Variants in KLHL29 observed in about 807,000 individuals in gnomAD.
KLHL29 encodes the protein kelch-like protein 29.
Under a neutral mutation model 80.4 loss-of-function variants are expected in KLHL29, and 21 were observed. The observed-to-expected ratio is 0.26, with a 90% CI of 0.19 to 0.38. The LOEUF is 0.38. KLHL29 is among the 10% of genes least tolerant of loss of function. KLHL29 has a pLI of 1.00. For synonymous variants in KLHL29, 511 were observed against 526.8 expected (o/e 0.97, Z 0.41); for missense variants, 867 against 1,223.9 (o/e 0.71, Z 4.35).
chr2:23,401,441 G>A (rs1279553467), intron 1 of KLHL29, among the ~76,000 whole-genome samples: 1 of 152,210 alleles, frequency 6.6e-6, no homozygotes, highest in Non-Finnish European at 1.5e-5. Flanking sequence ...ATGCACCTGT[G>A]ATTTCTAAAG....
At chr2:23,671,204 T>C (rs1023412600) in intron 5 of KLHL29, among the ~76,000 whole-genome samples, 13 of 151,824 alleles carry the variant, frequency 8.6e-5, no homozygotes, top group African/African-American at 2.9e-4. Flanking sequence ...TAAAACTATT[T>C]ATTTATTTGC....
At chr2:23,674,526 C>A (rs1670870546) in intron 5 of KLHL29, among the ~76,000 whole-genome samples, 1 of 152,166 alleles carries the variant, frequency 6.6e-6, no homozygotes, top group Non-Finnish European at 1.5e-5. Context: ...AACTATCTAT[C>A]CTGGCTTCTT....
intron 2 of KLHL29, among the ~76,000 whole-genome samples, chr2:23,534,871 C>T (rs528800714): frequency 4.0e-4 from 61 of 152,294 alleles, no homozygotes; most frequent in Non-Finnish European, 7.5e-4. Context: ...AGCCTAGAAC[C>T]CCCTGCAGGC....
rs142269064 is a variant in KLHL29 at position 23,407,203 on chromosome 2, A to G, written c.-154+21423A>G. ...ACGTTGCAATGAAATACTGATGAACAAATCTGTGGACATTTTGGGTTACTT... is the reference window on the plus strand; with the variant it reads ...ACGTTGCAATGAAATACTGATGAACGAATCTGTGGACATTTTGGGTTACTT... On this transcript the variant is annotated intron_variant, in intron 1 of 13. Coordinates refer to ENST00000486442, the MANE Select transcript of KLHL29 (RefSeq NM_052920.2). Among the ~76,000 whole-genome samples, 17 of 152,350 alleles carry G rather than the reference A, an allele frequency of 1.1e-4. No homozygotes were observed. In the East Asian group the frequency reaches 1.9e-3, roughly 17 times the overall value.
At chr2:23,662,883 G>C (rs1358267882) in intron 5 of KLHL29, among the ~76,000 whole-genome samples, 3 of 152,216 alleles carry the variant, frequency 2.0e-5, no homozygotes, top group African/African-American at 7.2e-5. Context: ...TGGGTTGAAA[G>C]CCGTAAATGC....
intron 2 of KLHL29, among the ~76,000 whole-genome samples, chr2:23,486,375 C>T (rs1019694228): frequency 2.6e-5 from 4 of 151,792 alleles, no homozygotes; most frequent in Admixed American, 2.6e-4. Context: ...CCCACGATTG[C>T]CACTGACAGG....
intron 2 of KLHL29, among the ~76,000 whole-genome samples, chr2:23,504,555 G>T (rs1393738727): frequency 6.6e-6 from 1 of 152,240 alleles, no homozygotes; most frequent in Non-Finnish European, 1.5e-5. Flanking sequence ...TAGGGAGGCT[G>T]GAGGGAGGGG....
chr2:23,642,170 A>T (rs1489793493), intron 4 of KLHL29, among the ~76,000 whole-genome samples, 168 bp from the exon 5 acceptor site: 2 of 152,042 alleles, frequency 1.3e-5, no homozygotes, highest in African/African-American at 4.8e-5. Flanking sequence ...ACCCCCTAGC[A>T]CACTTATCCT....
At chr2:23,390,901 G>T (rs188107074) in intron 1 of KLHL29, among the ~76,000 whole-genome samples, 2 of 152,206 alleles carry the variant, frequency 1.3e-5, no homozygotes, top group African/African-American at 4.8e-5. Context: ...TGATCCACCC[G>T]CCTCAGCTTC....
At chr2:23,459,655 C>G (rs1047853338) in intron 1 of KLHL29, among the ~76,000 whole-genome samples, 1 of 152,226 alleles carries the variant, frequency 6.6e-6, no homozygotes, top group Non-Finnish European at 1.5e-5. Context: ...AGACTGGCCA[C>G]GGATGCCCAG....
Position 23,670,917 on chromosome 2 carries a change from G to GCGCGCGCACTCTCTCTCTCTCTCT in KLHL29, c.941-13481_941-13480insGCGCGCACTCTCTCTCTCTCTCTC, listed in dbSNP as rs150131401. Among the ~76,000 whole-genome samples, 5 of 18,534 alleles carry GCGCGCGCACTCTCTCTCTCTCTCT rather than the reference G, an allele frequency of 2.7e-4. 2 individuals carry two copies. Among genetic ancestry groups the GCGCGCGCACTCTCTCTCTCTCTCT allele is most frequent in the Admixed American group, 1.4e-3 (2 of 1,398 alleles). 12.2% of individuals were successfully genotyped at this position (18,534 alleles called of 152,430 possible). A position where few individuals can be genotyped will look rare whatever the true frequency, so the allele number is the denominator to read the frequency against. ...GAGGGGTCTCTACACACATGCACGC[G>GCGCGCGCACTCTCTCTCTCTCTCT]CTCTCTCTCTCTCTCTCTCTCTCTC... On this transcript the variant is annotated intron_variant, in intron 5 of 13. Coordinates refer to ENST00000486442, the MANE Select transcript of KLHL29 (RefSeq NM_052920.2).
chr2:23,486,497 C>T (rs375277922), intron 2 of KLHL29, among the ~76,000 whole-genome samples: 87 of 152,170 alleles, frequency 5.7e-4, no homozygotes, highest in African/African-American at 2.1e-3. Context: ...AGGCTCTGTC[C>T]CTAGAAGTGA....
At chr2:23,513,324 C>T (rs1325298727) in intron 2 of KLHL29, among the ~76,000 whole-genome samples, 1 of 152,186 alleles carries the variant, frequency 6.6e-6, no homozygotes, top group Non-Finnish European at 1.5e-5. Flanking sequence ...CTGGTCGAAG[C>T]AGAGATGCCT....
intron 2 of KLHL29, among the ~76,000 whole-genome samples, chr2:23,498,727 T>C (rs576336146): frequency 6.6e-6 from 1 of 152,372 alleles, no homozygotes; most frequent in South Asian, 2.1e-4. Flanking sequence ...CACGTGTGAC[T>C]GGGGAACTGA....
At chr2:23,620,328 T>A (rs1669139125) in intron 3 of KLHL29, among the ~76,000 whole-genome samples, 1 of 152,072 alleles carries the variant, frequency 6.6e-6, no homozygotes, top group East Asian at 1.9e-4. Context: ...TGGTCATATT[T>A]ACATTTTAGA....
intron 5 of KLHL29, among the ~76,000 whole-genome samples, chr2:23,651,605 G>C (rs1186082688): frequency 6.6e-6 from 1 of 152,136 alleles, no homozygotes; most frequent in African/African-American, 2.4e-5. Flanking sequence ...CCAGGGAGAG[G>C]GATTGTCACC....
intron 1 of KLHL29, among the ~76,000 whole-genome samples, chr2:23,416,721 A>G (rs1409395685): frequency 2.0e-5 from 3 of 152,176 alleles, no homozygotes; most frequent in African/African-American, 7.2e-5. Flanking sequence ...GTTGCCAGCT[A>G]AATAAACATG....
chr2:23,477,681 C>T (rs1664676170), intron 2 of KLHL29, among the ~76,000 whole-genome samples: 2 of 152,230 alleles, frequency 1.3e-5, no homozygotes, highest in African/African-American at 4.8e-5. Flanking sequence ...GAATCCTTTG[C>T]CTCCAGGCCT....
intron 5 of KLHL29, among the ~76,000 whole-genome samples, chr2:23,683,558 C>A (rs1671151400): frequency 6.6e-6 from 1 of 152,224 alleles, no homozygotes; most frequent in Non-Finnish European, 1.5e-5. Context: ...TCTGACATCC[C>A]CAGGTCTGGA....
Sources: allele counts gnomAD v4.1 joint callset (sites outside exome capture counted in the v4.1 genomes callset), GRCh38; gene constraint gnomAD v4.1.1; transcripts MANE v1.5; gene names NCBI Gene and HGNC (gene_info 2026-07-23, HGNC 2026-07-21).